Variants in PRKDC observed in about 807,000 individuals in gnomAD.
The protein encoded by PRKDC is DNA-dependent protein kinase catalytic subunit.
In PRKDC, 82 loss-of-function variants were observed where a neutral mutation model predicts 486.9. The observed-to-expected ratio is 0.17, with a 90% CI of 0.14 to 0.20. The LOEUF (loss-of-function observed/expected upper bound fraction) is 0.20, where lower values mean the gene tolerates loss of function less well. Among genes scored for constraint, PRKDC ranks in the 10% least tolerant of loss-of-function variants. PRKDC has a pLI of 1.00. For missense variants in PRKDC, 4,504 were observed against 5,038.2 expected, an observed-to-expected ratio of 0.89 and a Z score of 3.21; for synonymous variants, 1,895 against 1,837.0, an observed-to-expected ratio of 1.03 and a Z score of -0.81.
rs1475968091 is a variant in PRKDC at position 47,782,360 on chromosome 8, G to A, written c.11396+18C>T. On this transcript the variant is annotated intron_variant, in intron 79 of 85. Transcript: ENST00000314191. The surrounding 1 kb of genome is among the most constrained non-coding windows in gnomAD (Gnocchi z 4.9). The stretch of plus-strand genomic sequence containing the variant: ...CAATATGCAGCAGCCTACTGGCTGG[G>A]AGCAGCCTGGCAGTTACCTGGAGGT... 1.6e-5 allele frequency: 25 copies of A among 1,607,412 alleles called. No homozygotes were observed. The highest frequency in any genetic ancestry group is 6.8e-5 in the Admixed American group (4 of 58,812).
intron 76 of PRKDC, 47 bp downstream of exon 76, chr8:47,788,859 G>C: frequency 6.8e-7 from 1 of 1,474,570 alleles, no homozygotes; most frequent in African/African-American, 1.4e-5. Context: ...ACTATTGACT[G>C]TCACAACGAC....
chr8:47,955,317 C>T (rs918789896), intron 4 of PRKDC, among the ~76,000 whole-genome samples: 4 of 150,114 alleles, frequency 2.7e-5, no homozygotes, highest in African/African-American at 9.8e-5. Flanking sequence ...AAAAAATTAG[C>T]CGGGCGTAGT....
intron 36 of PRKDC, among the ~76,000 whole-genome samples, chr8:47,885,403 T>C (rs1279157306): frequency 6.6e-6 from 1 of 151,912 alleles, no homozygotes; most frequent in Admixed American, 6.6e-5. Context: ...TCCGCTCACC[T>C]CCACCTCCCA....
At chr8:47,902,456 G>T in intron 27 of PRKDC, 113 bp downstream of exon 27, 1 of 718,172 alleles carries the variant, frequency 1.4e-6, no homozygotes, top group Non-Finnish European at 2.1e-6. Flanking sequence ...ACAGCATCCA[G>T]CACATAATTA....
chr8:47,925,649 T>C (rs1446799920), intron 21 of PRKDC, among the ~76,000 whole-genome samples: 2 of 152,232 alleles, frequency 1.3e-5, no homozygotes, highest in Non-Finnish European at 1.5e-5. Flanking sequence ...AATAATACTG[T>C]AGTTACGTAA....
intron 59 of PRKDC, among the ~76,000 whole-genome samples, chr8:47,833,186 G>C (rs2087929034): frequency 6.6e-6 from 1 of 152,226 alleles, no homozygotes. Context: ...TCCATTTAGA[G>C]AACTGTGTGT....
chr8:47,845,076 G>GCCCA (rs1041453775), intron 54 of PRKDC, among the ~76,000 whole-genome samples: 2 of 152,054 alleles, frequency 1.3e-5, no homozygotes, highest in African/African-American at 2.4e-5. Flanking sequence ...AATTAGCCAG[G>GCCCA]CGTGGTGGTG....
At chr8:47,831,241 G>A (rs1365539711) in intron 60 of PRKDC, among the ~76,000 whole-genome samples, 3 of 152,180 alleles carry the variant, frequency 2.0e-5, no homozygotes, top group Non-Finnish European at 4.4e-5. Context: ...CCGGCACAGC[G>A]CCCCACTTCC....
chr8:47,891,707 C>T (rs2089461500), intron 31 of PRKDC, among the ~76,000 whole-genome samples: 1 of 151,898 alleles, frequency 6.6e-6, no homozygotes, highest in African/African-American at 2.4e-5. Flanking sequence ...GCGACGGAGA[C>T]TCCATTTCAA....
intron 73 of PRKDC, among the ~76,000 whole-genome samples, chr8:47,795,582 T>G (rs930407305): frequency 3.3e-5 from 5 of 151,032 alleles, no homozygotes; most frequent in African/African-American, 1.2e-4. Context: ...AACCTTTGCT[T>G]TCTGGGTTTT....
intron 73 of PRKDC, among the ~76,000 whole-genome samples, chr8:47,795,436 A>G (rs901600049): frequency 1.4e-5 from 2 of 145,942 alleles, no homozygotes; most frequent in Non-Finnish European, 3.0e-5. Flanking sequence ...TGATCGGCCC[A>G]CCTCGACCTC....
chr8:47,831,677 G>A (rs2087879925), intron 60 of PRKDC, 137 bp downstream of exon 60: 1 of 858,068 alleles, frequency 1.2e-6, no homozygotes, highest in Non-Finnish European at 1.9e-6. Flanking sequence ...AGCCCCAGGA[G>A]GCTGGTTTGG....
Position 47,852,787 on chromosome 8 carries a change from A to G in PRKDC, c.6894-3T>C, listed in dbSNP as rs1589743073. 6.6e-7 allele frequency: 1 copy of G among 1,522,598 alleles called. No individual in the cohort carries two copies. The highest frequency in any genetic ancestry group is 1.4e-5 in the African/African-American group (1 of 73,120). 94.3% of individuals were successfully genotyped at this position (1,522,598 alleles called of 1,614,324 possible). A position where few individuals can be genotyped will look rare whatever the true frequency, so the allele number is the denominator to read the frequency against. ...TATTCACCAAAGCCTGGAAGTATCTACAATAAACACAGAAAAGACATATGC... is the reference window on the plus strand; with the variant it reads ...TATTCACCAAAGCCTGGAAGTATCTGCAATAAACACAGAAAAGACATATGC... On this transcript the variant is annotated splice_region_variant and splice_polypyrimidine_tract_variant and intron_variant, in intron 51 of 85. Transcript: ENST00000314191.
rs2089234580 is a variant in PRKDC, at chr8:47,882,169, A to G, written c.4777-72T>C. 62 of 1,368,340 alleles carry G rather than the reference A, an allele frequency of 4.5e-5. 2 individuals carry two copies. The South Asian group carries it at 7.5e-4, about 17-fold the overall frequency. The allele number at this position is 1,368,340 out of a possible 1,614,324, so 84.8% of individuals were successfully genotyped here. On this transcript the variant is annotated intron_variant, in intron 36 of 85. Coordinates refer to ENST00000314191, the MANE Select transcript of PRKDC (RefSeq NM_006904.7). The stretch of plus-strand genomic sequence containing the variant: ...ATGACAGAAAACAAAATTTACCTTT[A>G]TTTCAAAGCTATTCTTGGAAAATAA...
rs754015796 is a variant in PRKDC, at chr8:47,864,601, T to C, written c.5526A>G (p.Thr1842=). The C allele has an allele frequency of 9.9e-6, 16 of 1,610,392 alleles. No individual in the cohort carries two copies. Among genetic ancestry groups the C allele is most frequent in the Non-Finnish European group, 1.4e-5 (16 of 1,178,706 alleles). ...ACACATCAATGGCATCCACCACAAT[T>C]GTGCTGAAGAATTCTCTCAAAGCAT... ...SLDALREFFS[T]IVVDAIDVLK... is the part of the protein sequence containing the mutation. The change falls in exon 41 of 86, where the codon ACA becomes ACG. Residue 1842 remains threonine (T), a synonymous_variant. Coordinates refer to ENST00000314191, the MANE Select transcript of PRKDC (RefSeq NM_006904.7).
At position 47,893,268 on chromosome 8, in the gene PRKDC, T is replaced by TGGGCTGGGCCAGGATGCCCGA. The variant is rs1425268744; in HGVS notation, c.3697_3717dup (p.Ser1233_Pro1239dup). 6.2e-7 allele frequency: 1 copy of TGGGCTGGGCCAGGATGCCCGA among 1,611,838 alleles called. No individual in the cohort carries two copies. The highest frequency in any genetic ancestry group is 8.5e-7 in the Non-Finnish European group (1 of 1,178,764). On this transcript the variant is annotated inframe_insertion, in exon 31 of 86. Transcript: ENST00000314191. ...AATGGCCCCCGAAGGTACAAGAGGGTGGGCTGGGCCAGGATGCCCGAGGGC... is the reference window on the plus strand; with the variant it reads ...AATGGCCCCCGAAGGTACAAGAGGGTGGGCTGGGCCAGGATGCCCGAGGGCTGGGCCAGGATGCCCGAGGGC...
At chr8:47,849,107 G>A (rs373210837) in intron 54 of PRKDC, 47 bp downstream of exon 54, 501 of 1,590,070 alleles carry the variant, frequency 3.2e-4, no homozygotes, top group Non-Finnish European at 3.9e-4. Context: ...ATAAATTAAC[G>A]CTTTATGAGC....
chr8:47,896,196 T>G (rs1367005656), intron 30 of PRKDC, among the ~76,000 whole-genome samples: 2 of 151,870 alleles, frequency 1.3e-5, no homozygotes, highest in Non-Finnish European at 2.9e-5. Context: ...AGTTATAGTA[T>G]GTATTTATAC....
At chr8:47,864,188 T>C (rs1023268187) in intron 41 of PRKDC, among the ~76,000 whole-genome samples, 1 of 150,992 alleles carries the variant, frequency 6.6e-6, no homozygotes, top group East Asian at 1.9e-4. Context: ...GAAATGGAAA[T>C]GTGACCAGGG....
Sources: gnomAD v4.1 joint callset for allele counts (sites outside exome capture counted in the v4.1 genomes callset) on GRCh38, gnomAD v4.1.1 for gene constraint, Gnocchi (gnomAD v3.1) non-coding constraint, MANE v1.5 for transcripts, NCBI Gene and HGNC (gene_info 2026-07-23, HGNC 2026-07-21) for gene names.